Variants in SCTR observed in about 807,000 individuals in gnomAD.
SCTR encodes the protein secretin receptor.
A neutral mutation model predicts 60.8 loss-of-function variants in SCTR; 56 were observed. That is an observed-to-expected ratio of 0.92 (90% CI 0.74 to 1.15). The LOEUF is 1.15. Ranked by LOEUF, SCTR falls within the 50% of genes most tolerant of loss-of-function variation. The pLI, the probability that SCTR is intolerant of heterozygous loss-of-function variation, is 0.00. For missense variants in SCTR, 562 were observed against 550.4 expected, an observed-to-expected ratio of 1.02 and a Z score of -0.21; for synonymous variants, 202 against 217.0, an observed-to-expected ratio of 0.93 and a Z score of 0.61.
Position 119,446,786 on chromosome 2 carries a change from A to C in SCTR, c.1113T>G (p.Phe371Leu). 6.4e-7 allele frequency: 1 copy of C among 1,563,298 alleles called. No individual in the cohort carries two copies. Among genetic ancestry groups the C allele is most frequent in the Non-Finnish European group, 8.7e-7 (1 of 1,153,034 alleles). ...SPEDAMEIQL[F>L]FELALGSFQG... Reference sequence around the variant, plus strand: ...GGAATGAGCCAAGGGCTAGTTCAAAAAACAGCTGGATCTCCATAGCGTCCT... The same window carrying C: ...GGAATGAGCCAAGGGCTAGTTCAAACAACAGCTGGATCTCCATAGCGTCCT... Residue 371 changes from phenylalanine to leucine, a missense_variant, in exon 11 of 13, where the codon TTT (phenylalanine) becomes TTG (leucine). By Grantham distance (22) the Phe-to-Leu change is conservative. Transcript: ENST00000019103.
intron 2 of SCTR, among the ~76,000 whole-genome samples, chr2:119,490,704 C>CG (rs1678082839): frequency 6.6e-6 from 1 of 152,198 alleles, no homozygotes; most frequent in African/African-American, 2.4e-5. Context: ...AGCTCTGCCA[C>CG]GGGGGTGTAC....
intron 2 of SCTR, among the ~76,000 whole-genome samples, chr2:119,484,156 C>G (rs557857478): frequency 6.6e-6 from 1 of 152,024 alleles, no homozygotes; most frequent in Admixed American, 6.6e-5. Context: ...GATGGGGGAG[C>G]TTTGTCAATA....
chr2:119,505,583 G>A (rs1050001236), intron 1 of SCTR, among the ~76,000 whole-genome samples: 1 of 151,644 alleles, frequency 6.6e-6, no homozygotes, highest in Non-Finnish European at 1.5e-5. Flanking sequence ...GGAAACCATC[G>A]TTCTCAGCAA....
At chr2:119,492,372 A>G (rs1265287670) in intron 2 of SCTR, among the ~76,000 whole-genome samples, 1 of 152,156 alleles carries the variant, frequency 6.6e-6, no homozygotes, top group African/African-American at 2.4e-5. Context: ...GTTTCTCACC[A>G]CTCACCTGAC....
intron 11 of SCTR, among the ~76,000 whole-genome samples, chr2:119,443,283 G>T (rs1227181450): frequency 6.6e-6 from 1 of 152,132 alleles, no homozygotes; most frequent in Non-Finnish European, 1.5e-5. Flanking sequence ...ATGACATGAA[G>T]AAATGCTCAT....
At chr2:119,501,408 T>TAA (rs1167077655) in intron 1 of SCTR, among the ~76,000 whole-genome samples, 9 of 135,104 alleles carry the variant, frequency 6.7e-5, no homozygotes, top group African/African-American at 8.1e-5. Flanking sequence ...AGACTCCATC[T>TAA]AAAAAAAAAA....
rs1683802759 is a variant in SCTR at position 119,465,717 on chromosome 2, G to A, written c.503+72C>T. ...TCAGACCTTCCTCTTTCTGTCCTGGGTGGTTGAGAAGAGACCCAAAGTCTG... is the reference window on the plus strand; with the variant it reads ...TCAGACCTTCCTCTTTCTGTCCTGGATGGTTGAGAAGAGACCCAAAGTCTG... On this transcript the variant is annotated intron_variant, in intron 5 of 12. Transcript: ENST00000019103. 4.0e-6 allele frequency: 4 copies of A among 989,748 alleles called. No individual in the cohort carries two copies. The East Asian group carries it at 9.5e-5, about 24-fold the overall frequency. 61.3% of individuals were successfully genotyped at this position (989,748 alleles called of 1,614,324 possible). A position where few individuals can be genotyped will look rare whatever the true frequency, so the allele number is the denominator to read the frequency against.
At chr2:119,507,954 T>A (rs771037199) in intron 1 of SCTR, among the ~76,000 whole-genome samples, 15 of 152,058 alleles carry the variant, frequency 9.9e-5, no homozygotes, top group Non-Finnish European at 1.9e-4. Flanking sequence ...TGGCTCATTC[T>A]CACTCTTACC....
At chr2:119,483,878 G>A (rs1573880222) in intron 2 of SCTR, among the ~76,000 whole-genome samples, 1 of 152,162 alleles carries the variant, frequency 6.6e-6, no homozygotes, top group East Asian at 2.0e-4. Context: ...TGCTTGTGGA[G>A]GCTGCCTTGC....
chr2:119,488,338 G>T (rs562486281), intron 2 of SCTR, among the ~76,000 whole-genome samples: 1 of 152,336 alleles, frequency 6.6e-6, no homozygotes, highest in South Asian at 2.1e-4. Context: ...CAAAGCCAGG[G>T]GAGCCCTTTT....
intron 1 of SCTR, among the ~76,000 whole-genome samples, chr2:119,505,637 A>G (rs1335951421): frequency 2.0e-5 from 3 of 148,942 alleles, no homozygotes; most frequent in Non-Finnish European, 4.5e-5. Context: ...GTTCGCACTC[A>G]TAGGTGGGAA....
Position 119,444,443 on chromosome 2 carries a change from ATATACG to A in SCTR, c.1140+2310_1140+2315del, listed in dbSNP as rs1483720351. On this transcript the variant is annotated intron_variant, in intron 11 of 12. Transcript: ENST00000019103. ...CATATACGTATGAATATACACATATATATACGTACGTATATATATACACATATATAC... is the reference window on the plus strand; with the variant it reads ...CATATACGTATGAATATACACATATATACGTATATATATACACATATATAC... 1.4e-4 allele frequency among the ~76,000 whole-genome samples: 18 copies of A among 124,280 alleles called. 2 individuals are homozygous for A. In the South Asian group the frequency reaches 1.5e-3, roughly 11 times the overall value. 81.5% of individuals were successfully genotyped at this position (124,280 alleles called of 152,430 possible). A position where few individuals can be genotyped will look rare whatever the true frequency, so the allele number is the denominator to read the frequency against.
intron 11 of SCTR, among the ~76,000 whole-genome samples, chr2:119,441,847 T>C (rs960973906): frequency 6.7e-6 from 1 of 149,604 alleles, no homozygotes; most frequent in Non-Finnish European, 1.5e-5. Flanking sequence ...TGAACACATA[T>C]GGTGTCAGGG....
intron 7 of SCTR, among the ~76,000 whole-genome samples, chr2:119,454,455 C>T (rs1424860496): frequency 3.3e-5 from 5 of 152,120 alleles, no homozygotes; most frequent in African/African-American, 9.7e-5. Context: ...TCTACACCAG[C>T]GCTCAAGGTG....
At chr2:119,487,411 T>C (rs1677915056) in intron 2 of SCTR, 1 of 152,022 alleles carries the variant, frequency 6.6e-6, no homozygotes, top group Admixed American at 6.5e-5. Context: ...AGAAGGAAAA[T>C]GGGATGTCAT....
intron 1 of SCTR, among the ~76,000 whole-genome samples, 161 bp downstream of exon 1, chr2:119,523,994 G>A (rs1431539650): frequency 6.6e-6 from 1 of 152,168 alleles, no homozygotes; most frequent in African/African-American, 2.4e-5. Context: ...CCGGAGAAGA[G>A]CTGGGAGAGA....
chr2:119,492,153 C>T (rs1165674985), intron 2 of SCTR, among the ~76,000 whole-genome samples: 1 of 152,214 alleles, frequency 6.6e-6, no homozygotes, highest in Non-Finnish European at 1.5e-5. Context: ...CCTGAAGGTA[C>T]AGCAGCCATT....
rs575933031 is a variant in SCTR, at chr2:119,501,910, CACAA to C, written c.73-7366_73-7363del. ...GGTCTCAGGATAAAAACTAAACACA[CACAA>C]ACAAATTGTATTTCTATATACTTGC... On this transcript the variant is annotated intron_variant, in intron 1 of 12. Transcript: ENST00000019103. 3.5e-3 allele frequency among the ~76,000 whole-genome samples: 537 copies of C among 152,214 alleles called. 2 individuals are homozygous for C. Among genetic ancestry groups the C allele is most frequent in the Non-Finnish European group, 5.8e-3 (394 of 68,008 alleles).
intron 2 of SCTR, 60 bp downstream of exon 2, chr2:119,494,368 C>T: frequency 6.3e-7 from 1 of 1,579,562 alleles, no homozygotes; most frequent in South Asian, 1.1e-5. Flanking sequence ...TCCCCCTGCC[C>T]AGCAGGACCG....
Sources: gnomAD v4.1 joint callset for allele counts (sites outside exome capture counted in the v4.1 genomes callset) on GRCh38, gnomAD v4.1.1 for gene constraint, MANE v1.5 for transcripts, NCBI Gene and HGNC (gene_info 2026-07-23, HGNC 2026-07-21) for gene names.